SDC2: variants seen among roughly 807,000 people sequenced by gnomAD.
The protein encoded by SDC2 is syndecan-2.
A neutral mutation model predicts 22.2 loss-of-function variants in SDC2; 13 were observed. The observed-to-expected ratio is 0.59, with a 90% CI of 0.38 to 0.93. SDC2 has a LOEUF of 0.93. SDC2 is among the 40% of genes least tolerant of loss of function. The pLI is 0.00. For missense variants in SDC2, 235 were observed against 246.8 expected (o/e 0.95, Z 0.32); for synonymous variants, 94 against 92.8 (o/e 1.01, Z -0.07).
At chr8:96,565,084 A>ATTTTTATTTTTTTTTTTTTTTTTT (rs1814274074) in intron 1 of SDC2, among the ~76,000 whole-genome samples, 1 of 67,800 alleles carries the variant, frequency 1.5e-5, no homozygotes, top group Non-Finnish European at 2.9e-5. Context: ...CCTAAATTTG[A>ATTTTTATTTTTTTTTTTTTTTTTT]TTTTTTTTTT....
chr8:96,573,588 T>C (rs1413939120), intron 1 of SDC2, among the ~76,000 whole-genome samples: 1 of 152,114 alleles, frequency 6.6e-6, no homozygotes, highest in Non-Finnish European at 1.5e-5. Flanking sequence ...TCCTCTCACT[T>C]ACCCTTCATT....
At position 96,559,633 on chromosome 8, in the gene SDC2, T is replaced by G. The variant is rs547733757; in HGVS notation, c.61-33847T>G. ...TAGTGGATTACCAGTGACGATTTAG[T>G]GATTCAACCTTTGTAAATATCAAGT... is the stretch of plus-strand genomic sequence containing the variant. On this transcript the variant is annotated intron_variant, in intron 1 of 4. Transcript: ENST00000302190. 2.6e-5 allele frequency among the ~76,000 whole-genome samples: 4 copies of G among 152,344 alleles called. 1 individual carries two copies. The highest frequency in any genetic ancestry group is 9.6e-5 in the African/African-American group (4 of 41,586).
At chr8:96,555,740 A>G (rs1450970913) in intron 1 of SDC2, among the ~76,000 whole-genome samples, 1 of 152,194 alleles carries the variant, frequency 6.6e-6, no homozygotes, top group Admixed American at 6.5e-5. Flanking sequence ...TTACTCTTCA[A>G]ATATGACAGC....
chr8:96,546,652 G>C (rs1813938068), intron 1 of SDC2, among the ~76,000 whole-genome samples: 2 of 152,182 alleles, frequency 1.3e-5, no homozygotes, highest in Admixed American at 1.3e-4. Flanking sequence ...TTGTGGAGCA[G>C]TTTCAGTGGT....
At position 96,603,895 on chromosome 8, in the gene SDC2, C is replaced by T. The variant is rs539665383; in HGVS notation, c.306+1367C>T. The stretch of plus-strand genomic sequence containing the variant: ...CTGAGACCGACTCACCTGGCATGTG[C>T]TGGATCCATGCATAAAAGCTACTGT... On this transcript the variant is annotated intron_variant, in intron 3 of 4. Coordinates refer to ENST00000302190, the MANE Select transcript of SDC2 (RefSeq NM_002998.4). Among the ~76,000 whole-genome samples, 8 of 152,276 alleles carry T rather than the reference C, an allele frequency of 5.3e-5. No individual in the cohort carries two copies. The East Asian group carries it at 1.5e-3, about 29-fold the overall frequency.
At chr8:96,495,405 G>GCCTCCTCTCGTCCGCAGCTGC (rs1289877649) in intron 1 of SDC2, among the ~76,000 whole-genome samples, 1 of 152,118 alleles carries the variant, frequency 6.6e-6, no homozygotes, top group Non-Finnish European at 1.5e-5. Context: ...TGCCTCCTTG[G>GCCTCCTCTCGTCCGCAGCTGC]CCTCCTCTCG....
At chr8:96,517,256 C>T (rs574927542) in intron 1 of SDC2, among the ~76,000 whole-genome samples, 2 of 152,288 alleles carry the variant, frequency 1.3e-5, no homozygotes, top group Admixed American at 6.5e-5. Context: ...GAAGAAATGT[C>T]TATTCAGATG....
intron 2 of SDC2, among the ~76,000 whole-genome samples, chr8:96,595,135 T>C (rs1484829469): frequency 1.3e-5 from 2 of 152,232 alleles, no homozygotes; most frequent in Admixed American, 6.5e-5. Flanking sequence ...GCAAGACTTA[T>C]CCAGACCTTT....
At chr8:96,576,543 C>A (rs1229582001) in intron 1 of SDC2, among the ~76,000 whole-genome samples, 2 of 121,300 alleles carry the variant, frequency 1.6e-5, no homozygotes, top group African/African-American at 5.7e-5. Context: ...CCTCAGCCTC[C>A]CAAGTAGCTG....
chr8:96,586,392 A>G (rs555815373), intron 1 of SDC2: 2 of 152,342 alleles, frequency 1.3e-5, no homozygotes, highest in South Asian at 4.1e-4. Flanking sequence ...TTCCTAGAAC[A>G]CAACGGCGGT....
In SDC2 at chr8:96,494,229, C is replaced by A; in HGVS notation, c.-43C>A. The A allele has an allele frequency of 6.5e-7, 1 of 1,536,864 alleles. No homozygotes were observed. The highest frequency in any genetic ancestry group is 8.7e-7 in the Non-Finnish European group (1 of 1,143,742). On this transcript the variant is annotated 5_prime_UTR_variant, in exon 1 of 5. It adds an upstream start codon to the 5' untranslated region. Transcript: ENST00000302190. ...GCTGGGCAGGAGGCTTCGTTTTGCC[C>A]TGGTTGCAAGCAGCGGCTGGGAGCA...
At chr8:96,570,908 G>A (rs1462374252) in intron 1 of SDC2, among the ~76,000 whole-genome samples, 8 of 152,164 alleles carry the variant, frequency 5.3e-5, no homozygotes, top group Non-Finnish European at 1.2e-4. Flanking sequence ...GGTTACCGGG[G>A]GAAGGGAGAA....
intron 1 of SDC2, among the ~76,000 whole-genome samples, chr8:96,580,845 T>A: frequency 6.6e-6 from 1 of 152,282 alleles, no homozygotes; most frequent in East Asian, 1.9e-4. Flanking sequence ...TTGGGAAGAA[T>A]TGAATATCCT....
intron 1 of SDC2, among the ~76,000 whole-genome samples, chr8:96,579,321 T>C (rs1003490367): frequency 1.3e-5 from 2 of 152,268 alleles, no homozygotes; most frequent in African/African-American, 4.8e-5. Context: ...GTTTTTAATA[T>C]AAGTTTTAAA....
intron 3 of SDC2, among the ~76,000 whole-genome samples, chr8:96,603,403 A>G (rs1815025752): frequency 6.6e-6 from 1 of 152,222 alleles, no homozygotes; most frequent in South Asian, 2.1e-4. Flanking sequence ...GAGCATGTGT[A>G]ATAACTGTAG....
At chr8:96,536,801 G>C (rs1282405596) in intron 1 of SDC2, among the ~76,000 whole-genome samples, 2 of 152,200 alleles carry the variant, frequency 1.3e-5, no homozygotes, top group South Asian at 2.1e-4. Flanking sequence ...TGGCCTCTAG[G>C]AGCTTCCTTA....
chr8:96,501,719 T>C (rs1364297182), intron 1 of SDC2, among the ~76,000 whole-genome samples: 1 of 152,204 alleles, frequency 6.6e-6, no homozygotes, highest in Admixed American at 6.5e-5. Flanking sequence ...TGTAATTAAC[T>C]GTCTTAATCC....
intron 2 of SDC2, among the ~76,000 whole-genome samples, chr8:96,599,533 A>T (rs1380273738): frequency 1.0e-5 from 1 of 96,380 alleles, no homozygotes; most frequent in Non-Finnish European, 2.3e-5. Context: ...ATCATTATTA[A>T]TGACCTATAT....
chr8:96,590,628 T>G (rs181805732), intron 1 of SDC2, among the ~76,000 whole-genome samples: 9 of 151,210 alleles, frequency 6.0e-5, no homozygotes, highest in East Asian at 1.9e-4. Flanking sequence ...AGCGCAGGGG[T>G]TTTTTTTTAT....
Sources: gnomAD v4.1 joint callset for allele counts (sites outside exome capture counted in the v4.1 genomes callset) on GRCh38, gnomAD v4.1.1 for gene constraint, MANE v1.5 for transcripts, NCBI Gene and HGNC (gene_info 2026-07-23, HGNC 2026-07-21) for gene names.